MYT1L: variants seen among roughly 807,000 people sequenced by gnomAD.
MYT1L encodes myelin transcription factor 1-like protein.
A neutral mutation model predicts 126.7 loss-of-function variants in MYT1L; 12 were observed. The ratio of observed to expected loss-of-function variants is 0.09; its 90% CI spans 0.06 to 0.15. MYT1L has a LOEUF of 0.15. Ranked by LOEUF, MYT1L falls within the 10% of genes least tolerant of loss-of-function variation. The pLI is 1.00. For missense variants in MYT1L, 979 were observed against 1,585.2 expected (o/e 0.62, Z 6.49); for synonymous variants, 541 against 604.2 (o/e 0.90, Z 1.53).
intron 4 of MYT1L, among the ~76,000 whole-genome samples, chr2:2,026,701 G>A (rs2149875912): frequency 6.6e-6 from 1 of 152,236 alleles, no homozygotes; most frequent in Middle Eastern, 3.4e-3. Flanking sequence ...CGAGGCCCGG[G>A]AGGTACAGGG....
chr2:1,875,617 T>G (rs1287235707), intron 18 of MYT1L, among the ~76,000 whole-genome samples: 1 of 152,210 alleles, frequency 6.6e-6, no homozygotes, highest in Non-Finnish European at 1.5e-5. Context: ...CCGTTCTGTC[T>G]CTGTCCCCAA....
chr2:2,171,291 T>A (rs942224211), intron 3 of MYT1L, among the ~76,000 whole-genome samples: 9 of 152,240 alleles, frequency 5.9e-5, no homozygotes, highest in African/African-American at 2.4e-5. Flanking sequence ...CAAAACCAGC[T>A]TACTCTTTCT....
chr2:2,277,706 G>A, intron 2 of MYT1L, among the ~76,000 whole-genome samples: 1 of 152,152 alleles, frequency 6.6e-6, no homozygotes, highest in Admixed American at 6.5e-5. Flanking sequence ...CCCTTCAGGT[G>A]TTATGTAAAG....
At chr2:2,004,350 CGTGCCTTCTTTCCTGT>C (rs1363020202) in intron 4 of MYT1L, among the ~76,000 whole-genome samples, 14 of 142,022 alleles carry the variant, frequency 9.9e-5, no homozygotes, top group African/African-American at 3.4e-4. Flanking sequence ...TTCTTTCCTG[CGTGCCTTCTTTCCTGT>C]GTGCCTTCTT....
At chr2:2,306,782 C>T (rs1317646338) in intron 1 of MYT1L, among the ~76,000 whole-genome samples, 3 of 152,164 alleles carry the variant, frequency 2.0e-5, no homozygotes, top group Non-Finnish European at 2.9e-5. Context: ...CAGAGATTTA[C>T]TGAGAACCAA....
At chr2:2,027,893 G>C (rs2065816791) in intron 4 of MYT1L, among the ~76,000 whole-genome samples, 1 of 152,184 alleles carries the variant, frequency 6.6e-6, no homozygotes, top group Admixed American at 6.5e-5. Flanking sequence ...TGGCAGCTAA[G>C]GTGATTTTTA....
chr2:2,279,297 T>A (rs7584537), intron 2 of MYT1L, among the ~76,000 whole-genome samples: 13,768 of 152,188 alleles, frequency 0.09, 866 homozygotes, highest in Admixed American at 0.22. Flanking sequence ...TATGCCTGAT[T>A]GTGATGATAG....
chr2:2,176,822 T>G (rs879878063), intron 2 of MYT1L, among the ~76,000 whole-genome samples: 1 of 152,160 alleles, frequency 6.6e-6, no homozygotes, highest in Admixed American at 6.5e-5. Context: ...TAATTTCAAC[T>G]TCTAAGTAAG....
Position 2,039,056 on chromosome 2 carries a change from C to T in MYT1L, c.-158+14922G>A, listed in dbSNP as rs576235609. 4.3e-4 allele frequency among the ~76,000 whole-genome samples: 65 copies of T among 152,258 alleles called. 1 individual carries two copies. The South Asian group carries it at 0.011, about 26-fold the overall frequency. ...TCCTTGTGTTATGTGGCTAATTTCCCGGTACGTGGAACAGCACTGGCACAT... is the reference window on the plus strand; with the variant it reads ...TCCTTGTGTTATGTGGCTAATTTCCTGGTACGTGGAACAGCACTGGCACAT... On this transcript the variant is annotated intron_variant, in intron 4 of 24. Coordinates refer to ENST00000647738, the MANE Select transcript of MYT1L (RefSeq NM_001303052.2).
In MYT1L at chr2:2,236,799, CTTCTTCTTCTTCTTCT is replaced by C. The variant is rs1490126244; in HGVS notation, c.-421+47589_-421+47604del. ...TCTTCTTCTTCTTCTTCTTCTTCTT[CTTCTTCTTCTTCTTCT>C]TTTTTTTTTTTTTTTTTGATGGAGT... On this transcript the variant is annotated intron_variant, in intron 2 of 24. Transcript: ENST00000647738. Among the ~76,000 whole-genome samples, 76 of 17,636 alleles carry C rather than the reference CTTCTTCTTCTTCTTCT, an allele frequency of 4.3e-3. 3 individuals are homozygous for C. The highest frequency in any genetic ancestry group is 0.024 in the Middle Eastern group (1 of 42). The allele number at this position is 17,636 out of a possible 152,430, so 11.6% of individuals were successfully genotyped here.
chr2:2,187,954 C>T lies in MYT1L; in HGVS notation c.-420-14966G>A, dbSNP rs192331575. ...CATGTATGCATTTATCATTTATATT[C>T]TCTTATATTAAATATATATGCATAT... On this transcript the variant is annotated intron_variant, in intron 2 of 24. Transcript: ENST00000647738. 3.8e-4 allele frequency among the ~76,000 whole-genome samples: 58 copies of T among 151,876 alleles called. 1 individual carries two copies. Among genetic ancestry groups the T allele is most frequent in the Admixed American group, 3.1e-3 (48 of 15,274 alleles).
chr2:1,966,219 T>G (rs796667442), intron 8 of MYT1L, among the ~76,000 whole-genome samples: 15 of 152,340 alleles, frequency 9.8e-5, no homozygotes, highest in African/African-American at 3.6e-4. Flanking sequence ...CCTCTAACGC[T>G]GAGTGAGCGA....
At chr2:2,247,430 T>C (rs7591779) in intron 2 of MYT1L, among the ~76,000 whole-genome samples, 9,179 of 152,212 alleles carry the variant, frequency 0.06, 338 homozygotes, top group South Asian at 0.18. Context: ...AGTGCAACAA[T>C]AGCTGGAGAC....
chr2:2,189,211 G>A (rs1303293993), intron 2 of MYT1L, among the ~76,000 whole-genome samples: 6 of 152,344 alleles, frequency 3.9e-5, no homozygotes, highest in African/African-American at 9.6e-5. Flanking sequence ...CCACCGCAGC[G>A]TAAGAGGCGG....
At chr2:1,879,430 G>T (rs900229115) in intron 18 of MYT1L, among the ~76,000 whole-genome samples, 15 of 152,078 alleles carry the variant, frequency 9.9e-5, no homozygotes, top group African/African-American at 3.4e-4. Context: ...CAGATGTGGG[G>T]GCCCATGAAG....
intron 23 of MYT1L, chr2:1,800,074 A>T (rs1488689560): frequency 6.6e-6 from 1 of 152,230 alleles, no homozygotes; most frequent in Non-Finnish European, 1.5e-5. Context: ...ATTTATTAGC[A>T]GTGTGAGAAC....
intron 3 of MYT1L, among the ~76,000 whole-genome samples, chr2:2,097,224 CCT>C (rs1236728877): frequency 5.9e-5 from 9 of 152,164 alleles, no homozygotes; most frequent in African/African-American, 2.4e-5. Flanking sequence ...CTGCTTCTCC[CCT>C]CTGATTCCTG....
chr2:2,033,535 C>A (rs2066640714), intron 4 of MYT1L, among the ~76,000 whole-genome samples: 1 of 152,150 alleles, frequency 6.6e-6, no homozygotes, highest in Admixed American at 6.5e-5. Flanking sequence ...ACTTACAATG[C>A]TACTCCCTGA....
At chr2:1,914,663 C>T (rs2052559650) in intron 11 of MYT1L, among the ~76,000 whole-genome samples, 1 of 152,206 alleles carries the variant, frequency 6.6e-6, no homozygotes, top group Non-Finnish European at 1.5e-5. Context: ...GGCCCTGCTG[C>T]TCAGCTTTCT....
Sources: allele counts gnomAD v4.1 joint callset (sites outside exome capture counted in the v4.1 genomes callset), GRCh38; gene constraint gnomAD v4.1.1; transcripts MANE v1.5; gene names NCBI Gene and HGNC (gene_info 2026-07-23, HGNC 2026-07-21).